AGBL1: variants seen among roughly 807,000 people sequenced by gnomAD.
AGBL1 encodes cytosolic carboxypeptidase 4.
Under a neutral mutation model 118.9 loss-of-function variants are expected in AGBL1, and 130 were observed. That is an observed-to-expected ratio of 1.09 (90% CI 0.95 to 1.26). AGBL1 has a LOEUF of 1.26. Among genes scored for constraint, AGBL1 ranks in the 50% most tolerant of loss-of-function variants. The pLI is 0.00. For missense variants in AGBL1, 1,584 were observed against 1,298.1 expected (o/e 1.22, Z -3.38); for synonymous variants, 555 against 478.9 (o/e 1.16, Z -2.08).
intron 17 of AGBL1, among the ~76,000 whole-genome samples, chr15:86,310,028 A>G (rs1159471402): frequency 6.6e-6 from 1 of 152,238 alleles, no homozygotes; most frequent in East Asian, 1.9e-4. Flanking sequence ...AATACTTGGT[A>G]GAATTTACCA....
At chr15:86,480,891 A>G (rs1196412609) in intron 18 of AGBL1, among the ~76,000 whole-genome samples, 1 of 152,182 alleles carries the variant, frequency 6.6e-6, no homozygotes, top group South Asian at 2.1e-4. Context: ...GTTGAAGCCT[A>G]GGAAGTATGT....
At chr15:86,712,807 T>C (rs981193694) in intron 22 of AGBL1, among the ~76,000 whole-genome samples, 1 of 152,108 alleles carries the variant, frequency 6.6e-6, no homozygotes, top group South Asian at 2.1e-4. Flanking sequence ...ACTAGATACT[T>C]GATTAGTGAA....
At chr15:86,184,481 T>A (rs945172404) in intron 5 of AGBL1, among the ~76,000 whole-genome samples, 13 of 150,648 alleles carry the variant, frequency 8.6e-5, no homozygotes, top group African/African-American at 3.2e-4. Context: ...AAAAATGGAG[T>A]CTTAAAATCA....
chr15:86,256,559 T>A (rs958137496), intron 7 of AGBL1, among the ~76,000 whole-genome samples: 2 of 152,216 alleles, frequency 1.3e-5, no homozygotes, highest in Non-Finnish European at 2.9e-5. Flanking sequence ...AGGCGCAGCA[T>A]CCCTTGAAAG....
At chr15:87,001,851 A>C (rs1229624295) in intron 24 of AGBL1, among the ~76,000 whole-genome samples, 1 of 151,756 alleles carries the variant, frequency 6.6e-6, no homozygotes, top group Non-Finnish European at 1.5e-5. Flanking sequence ...AATTTGTTTG[A>C]GTTCTTTGTA....
At chr15:86,853,187 A>T (rs2079430901) in intron 22 of AGBL1, among the ~76,000 whole-genome samples, 1 of 152,180 alleles carries the variant, frequency 6.6e-6, no homozygotes, top group Non-Finnish European at 1.5e-5. Context: ...GAAAACAAAG[A>T]TTTATTTCTC....
intron 6 of AGBL1, among the ~76,000 whole-genome samples, chr15:86,238,454 C>G (rs556364337): frequency 1.3e-5 from 2 of 152,280 alleles, no homozygotes; most frequent in Non-Finnish European, 2.9e-5. Flanking sequence ...GCTTTCCGGA[C>G]AAAGGCCTGT....
chr15:86,532,494 A>T (rs2083364492), intron 19 of AGBL1, among the ~76,000 whole-genome samples: 1 of 122,016 alleles, frequency 8.2e-6, no homozygotes, highest in Non-Finnish European at 1.7e-5. Context: ...TTCCATGCTC[A>T]TGGGTAGGAA....
chr15:86,334,037 G>A (rs1315979279), intron 17 of AGBL1, among the ~76,000 whole-genome samples: 2 of 151,992 alleles, frequency 1.3e-5, no homozygotes, highest in African/African-American at 4.8e-5. Flanking sequence ...TCTCAAAATA[G>A]TAAGAGCCAT....
At chr15:86,348,484 A>G (rs990931357) in intron 17 of AGBL1, among the ~76,000 whole-genome samples, 1 of 152,184 alleles carries the variant, frequency 6.6e-6, no homozygotes, top group African/African-American at 2.4e-5. Flanking sequence ...ACTGGTGGTA[A>G]GAATAGGGAG....
At chr15:86,640,715 C>T (rs966922387) in intron 21 of AGBL1, among the ~76,000 whole-genome samples, 1 of 152,036 alleles carries the variant, frequency 6.6e-6, no homozygotes, top group Non-Finnish European at 1.5e-5. Flanking sequence ...TTGTCTACAG[C>T]CCTAGTTACT....
chr15:86,759,187 T>C (rs183354261), intron 22 of AGBL1, among the ~76,000 whole-genome samples: 1 of 151,954 alleles, frequency 6.6e-6, no homozygotes, highest in Non-Finnish European at 1.5e-5. Flanking sequence ...CAAAATAATA[T>C]GGGATTAATT....
chr15:86,451,442 C>T (rs1312085026), intron 18 of AGBL1, among the ~76,000 whole-genome samples: 1 of 152,212 alleles, frequency 6.6e-6, no homozygotes, highest in Non-Finnish European at 1.5e-5. Flanking sequence ...TTCTTCTTTA[C>T]TAGGATCTCT....
chr15:86,481,852 CT>C (rs1372143404), intron 18 of AGBL1, among the ~76,000 whole-genome samples: 1 of 152,216 alleles, frequency 6.6e-6, no homozygotes, highest in African/African-American at 2.4e-5. Flanking sequence ...TAGATATTGT[CT>C]GACTCAAGAC....
chr15:86,378,284 C>T (rs55762549), intron 17 of AGBL1, among the ~76,000 whole-genome samples: 2,187 of 152,244 alleles, frequency 0.014, 53 homozygotes, highest in African/African-American at 0.051. Flanking sequence ...TTTCTCAAAA[C>T]CCTATTAAAC....
intron 5 of AGBL1, among the ~76,000 whole-genome samples, chr15:86,192,124 A>C (rs2077732737): frequency 6.6e-6 from 1 of 151,512 alleles, no homozygotes; most frequent in East Asian, 1.9e-4. Context: ...CCCCCAATAC[A>C]CACACACCCA....
intron 17 of AGBL1, among the ~76,000 whole-genome samples, chr15:86,375,554 A>C (rs1030779574): frequency 6.6e-6 from 1 of 152,148 alleles, no homozygotes. Context: ...GATTTGTAGC[A>C]TCATATTAAA....
At chr15:86,920,337 C>T (rs1014804553), downstream of AGBL1, among the ~76,000 whole-genome samples, 4 of 152,200 alleles carry the variant, frequency 2.6e-5, no homozygotes, top group Non-Finnish European at 1.5e-5. Flanking sequence ...AACCACCACC[C>T]CTCCCTGATG....
intron 21 of AGBL1, among the ~76,000 whole-genome samples, chr15:86,668,107 A>G (rs1438717314): frequency 1.3e-5 from 2 of 152,140 alleles, no homozygotes; most frequent in Non-Finnish European, 2.9e-5. Context: ...ACTCGTTCCC[A>G]TGGGGAGGGC....
Sources: gnomAD v4.1 joint callset for allele counts (sites outside exome capture counted in the v4.1 genomes callset) on GRCh38, gnomAD v4.1.1 for gene constraint, MANE v1.5 for transcripts, NCBI Gene and HGNC (gene_info 2026-07-23, HGNC 2026-07-21) for gene names.